SCEL: variants seen among roughly 807,000 people sequenced by gnomAD.
SCEL encodes sciellin.
A neutral mutation model predicts 117.6 loss-of-function variants in SCEL; 113 were observed. That is an observed-to-expected ratio of 0.96 (90% CI 0.83 to 1.12). SCEL has a LOEUF of 1.12. Ranked by LOEUF, SCEL falls within the 50% of genes most tolerant of loss-of-function variation. SCEL has a pLI of 0.00. For missense variants in SCEL, 785 were observed against 810.8 expected (o/e 0.97, Z 0.39); for synonymous variants, 270 against 256.2 (o/e 1.05, Z -0.51).
chr13:77,629,723 A>G (rs2089941952), intron 28 of SCEL, among the ~76,000 whole-genome samples: 1 of 152,192 alleles, frequency 6.6e-6, no homozygotes, highest in Admixed American at 6.5e-5. Context: ...ATGAAGACCC[A>G]AAGATACAGG....
chr13:77,575,320 T>C (rs1046123637), intron 9 of SCEL, among the ~76,000 whole-genome samples: 2 of 152,218 alleles, frequency 1.3e-5, no homozygotes, highest in African/African-American at 4.8e-5. Flanking sequence ...TCTATGCCTA[T>C]GACTATGTTA....
chr13:77,589,653 G>A (rs2086761451), intron 10 of SCEL, among the ~76,000 whole-genome samples: 1 of 152,106 alleles, frequency 6.6e-6, no homozygotes, highest in African/African-American at 2.4e-5. Context: ...TCTGATGAAC[G>A]ATGTTCTTGA....
intron 5 of SCEL, among the ~76,000 whole-genome samples, chr13:77,566,512 C>A (rs984036061): frequency 6.7e-6 from 1 of 149,990 alleles, no homozygotes; most frequent in Admixed American, 7.2e-5. Flanking sequence ...ATGAACACAC[C>A]TTTTCTAGAT....
chr13:77,640,576 A>G (rs527468017), intron 30 of SCEL, 100 bp from the exon 31 acceptor site: 1 of 457,144 alleles, frequency 2.2e-6, no homozygotes, highest in African/African-American at 2.0e-5. Context: ...AAAGTAAAGT[A>G]TCATCAAAAT....
rs371694606 is a variant in SCEL at position 77,609,079 on chromosome 13, C to A, written c.1239C>A (p.Phe413Leu). ...SNQGSKDLNN[F>L]IKVYPGTEKS... The stretch of plus-strand genomic sequence containing the variant: ...GAAGTTCCAAAGACCTTAATAACTT[C>A]ATCAAAGTGTATCCAGGAACAGAAA... The change falls in exon 21 of 33, where the codon TTC becomes TTA. Residue 413 changes from phenylalanine (F) to leucine (L), a missense_variant. Phe to Leu is a conservative substitution (Grantham distance 22). Coordinates refer to ENST00000349847, the MANE Select transcript of SCEL (RefSeq NM_144777.3). 4 of 1,594,064 alleles carry A rather than the reference C, an allele frequency of 2.5e-6. No individual in the cohort carries two copies. Among genetic ancestry groups the A allele is most frequent in the Non-Finnish European group, 3.4e-6 (4 of 1,174,806 alleles).
chr13:77,545,696 T>G (rs473537), intron 1 of SCEL, among the ~76,000 whole-genome samples: 150,272 of 152,308 alleles, frequency 0.99, 74,156 homozygotes, highest in East Asian at 1. Flanking sequence ...GAGGGGGCAT[T>G]AGGAGATGAT....
rs374391397 is a variant in SCEL, at chr13:77,576,273, C to T, written c.545+4084C>T. 3.3e-5 allele frequency among the ~76,000 whole-genome samples: 5 copies of T among 151,714 alleles called. No homozygotes were observed. In the South Asian group the frequency reaches 1.0e-3, roughly 32 times the overall value. On this transcript the variant is annotated intron_variant, in intron 9 of 32. Coordinates refer to ENST00000349847, the MANE Select transcript of SCEL (RefSeq NM_144777.3). ...CAAAGGGCACCACTGACTCTTTATG[C>T]CCTTATGAAATCTCTCTTATTGTGT...
chr13:77,571,820 A>G (rs1167402107), intron 8 of SCEL, among the ~76,000 whole-genome samples: 1 of 152,054 alleles, frequency 6.6e-6, no homozygotes, highest in Non-Finnish European at 1.5e-5. Context: ...TAATAAACAT[A>G]TATGAATTTA....
rs200625008 is a variant in SCEL, at chr13:77,556,698, G to A, written c.146G>A (p.Arg49His). 22 of 1,613,008 alleles carry A rather than the reference G, an allele frequency of 1.4e-5. No individual in the cohort carries two copies. The highest frequency in any genetic ancestry group is 4.0e-5 in the African/African-American group (3 of 75,002). ...FLQDNSWIKKRPEEEKDENYG... is the reference protein window; with the variant it reads ...FLQDNSWIKKHPEEEKDENYG... Reference sequence around the variant, plus strand: ...CAGGATAACAGTTGGATAAAGAAACGCCCTGAAGAAGAAAAGTAAGCTGGT... The same window carrying A: ...CAGGATAACAGTTGGATAAAGAAACACCCTGAAGAAGAAAAGTAAGCTGGT... The change falls in exon 3 of 33, where the codon CGC becomes CAC. Residue 49 changes from arginine to histidine, a missense_variant. Arg to His is a conservative substitution (Grantham distance 29). Transcript: ENST00000349847.
intron 1 of SCEL, among the ~76,000 whole-genome samples, chr13:77,549,606 A>G (rs903867490): frequency 6.6e-6 from 1 of 152,242 alleles, no homozygotes; most frequent in African/African-American, 2.4e-5. Context: ...GGATCCGATC[A>G]GAAGACAGAA....
chr13:77,591,715 G>T (rs959587811), intron 11 of SCEL, among the ~76,000 whole-genome samples: 1 of 152,094 alleles, frequency 6.6e-6, no homozygotes, highest in Non-Finnish European at 1.5e-5. Flanking sequence ...CCCACTAAAG[G>T]CAGGAAAGCT....
At position 77,644,297 on chromosome 13, in the gene SCEL, T is replaced by A. The variant is rs1196346324; in HGVS notation, c.*23T>A. 4 of 1,611,636 alleles carry A rather than the reference T, an allele frequency of 2.5e-6. No individual in the cohort carries two copies. The African/African-American group carries it at 5.3e-5, about 22-fold the overall frequency. On this transcript the variant is annotated 3_prime_UTR_variant, in exon 33 of 33. Coordinates refer to ENST00000349847, the MANE Select transcript of SCEL (RefSeq NM_144777.3). The stretch of plus-strand genomic sequence containing the variant: ...TAACTCTGGCACAAGGAAATCAAGA[T>A]GAAAAGCACTCATTAAGGAATTAAA...
chr13:77,552,968 C>G (rs897925682), intron 1 of SCEL, among the ~76,000 whole-genome samples: 1 of 152,150 alleles, frequency 6.6e-6, no homozygotes, highest in African/African-American at 2.4e-5. Context: ...AATAGGGAAT[C>G]CTTTCGCCAT....
chr13:77,551,437 G>A (rs544451851), intron 1 of SCEL, among the ~76,000 whole-genome samples: 4 of 152,316 alleles, frequency 2.6e-5, no homozygotes, highest in Admixed American at 2.6e-4. Flanking sequence ...TGCTCAGGCT[G>A]TTATAACAAA....
At chr13:77,541,695 A>G (rs2083711117) in intron 1 of SCEL, among the ~76,000 whole-genome samples, 1 of 152,234 alleles carries the variant, frequency 6.6e-6, no homozygotes, top group African/African-American at 2.4e-5. Context: ...GTGATTGATT[A>G]AAGGTGTCTG....
chr13:77,641,664 C>A (rs1457258803), intron 31 of SCEL, among the ~76,000 whole-genome samples: 1 of 152,134 alleles, frequency 6.6e-6, no homozygotes, highest in Non-Finnish European at 1.5e-5. Flanking sequence ...CTTGATTAAT[C>A]TAATGTACAG....
chr13:77,541,273 G>C (rs1481242138), intron 1 of SCEL, among the ~76,000 whole-genome samples: 3 of 152,110 alleles, frequency 2.0e-5, no homozygotes, highest in African/African-American at 4.8e-5. Context: ...AGAAAAATAT[G>C]CGAGTAAAAC....
In SCEL at chr13:77,639,579, C is replaced by T. The variant is rs374437496; in HGVS notation, c.1839-1097C>T. ...TTGGACTCATTGTGTTGGTACCACG[C>T]TGCCTCCATTCACATCTTCACTCTT... On this transcript the variant is annotated intron_variant, in intron 30 of 32. Coordinates refer to ENST00000349847, the MANE Select transcript of SCEL (RefSeq NM_144777.3). 2.0e-5 allele frequency among the ~76,000 whole-genome samples: 3 copies of T among 152,112 alleles called. No individual in the cohort carries two copies. The South Asian group carries it at 6.2e-4, about 32-fold the overall frequency.
At chr13:77,599,789 G>A (rs1180181421) in intron 15 of SCEL, 41 bp downstream of exon 15, 2 of 1,392,332 alleles carry the variant, frequency 1.4e-6, no homozygotes, top group East Asian at 4.6e-5. Context: ...TTGAGTCCCA[G>A]ATGGTGTACT....
Sources: gnomAD v4.1 joint callset for allele counts (sites outside exome capture counted in the v4.1 genomes callset) on GRCh38, gnomAD v4.1.1 for gene constraint, MANE v1.5 for transcripts, NCBI Gene and HGNC (gene_info 2026-07-23, HGNC 2026-07-21) for gene names.